IKZF2: variants seen among roughly 807,000 people sequenced by gnomAD.
The protein encoded by IKZF2 is IKAROS family zinc finger 2.
IKZF2 carries 15 observed loss-of-function variants against 49.2 expected under a neutral mutation model. The ratio of observed to expected loss-of-function variants is 0.30; its 90% CI spans 0.20 to 0.47. The LOEUF is 0.47. Ranked by LOEUF, IKZF2 falls within the 20% of genes least tolerant of loss-of-function variation. The pLI, the probability that IKZF2 is intolerant of heterozygous loss-of-function variation, is 1.00. For synonymous variants in IKZF2, 227 were observed against 221.4 expected (o/e 1.03, Z -0.23); for missense variants, 567 against 664.6 (o/e 0.85, Z 1.61).
chr2:213,136,213 A>C (rs184005349), intron 4 of IKZF2, among the ~76,000 whole-genome samples: 5 of 149,784 alleles, frequency 3.3e-5, no homozygotes, highest in East Asian at 4.0e-4. Context: ...ACACTAAAAA[A>C]TAAAAAAATT....
rs1694800815 is a variant in IKZF2, at chr2:213,000,493, G to T, written c.*6867C>A. The T allele has an allele frequency of 6.6e-6, 1 of 151,568 alleles. No individual in the cohort carries two copies. The highest frequency in any genetic ancestry group is 6.6e-5 in the Admixed American group (1 of 15,124). The allele number at this position is 151,568 out of a possible 1,614,324, so 9.4% of individuals were successfully genotyped here. On this transcript the variant is annotated 3_prime_UTR_variant, in exon 9 of 9. Transcript: ENST00000434687. ...ACACATACTGTACAAATGCAGAAATGCAGTAACTGCCTTTAAAAGAAATGC... is the reference window on the plus strand; with the variant it reads ...ACACATACTGTACAAATGCAGAAATTCAGTAACTGCCTTTAAAAGAAATGC...
chr2:213,005,878 T>C lies in IKZF2; in HGVS notation c.*1482A>G, dbSNP rs1338245201. The C allele has an allele frequency of 6.6e-6, 1 of 152,082 alleles. No individual in the cohort carries two copies. The highest frequency in any genetic ancestry group is 1.5e-5 in the Non-Finnish European group (1 of 67,986). 9.4% of individuals were successfully genotyped at this position (152,082 alleles called of 1,614,324 possible). A position where few individuals can be genotyped will look rare whatever the true frequency, so the allele number is the denominator to read the frequency against. On this transcript the variant is annotated 3_prime_UTR_variant, in exon 9 of 9. Coordinates refer to ENST00000434687, the MANE Select transcript of IKZF2 (RefSeq NM_001387220.1). The stretch of plus-strand genomic sequence containing the variant: ...CCTATACCATGTAAGGGGAATTCTA[T>C]ACTAAGGGATTGAGATTCATTTCTG...
chr2:213,036,685 T>C (rs891040843), intron 6 of IKZF2, among the ~76,000 whole-genome samples: 2 of 152,166 alleles, frequency 1.3e-5, no homozygotes, highest in Non-Finnish European at 2.9e-5. Context: ...GACTCCACTC[T>C]GATAGATTTC....
intron 4 of IKZF2, among the ~76,000 whole-genome samples, chr2:213,115,372 T>C (rs1457662244): frequency 1.3e-5 from 2 of 152,206 alleles, no homozygotes; most frequent in Non-Finnish European, 2.9e-5. Context: ...TAAAATTCCA[T>C]AGGCATAAAA....
chr2:213,122,320 C>G (rs16849772), intron 4 of IKZF2, among the ~76,000 whole-genome samples: 3,267 of 152,270 alleles, frequency 0.021, 122 homozygotes, highest in African/African-American at 0.074. Context: ...CCACTATTTT[C>G]TTTCCCAAGT....
intron 6 of IKZF2, among the ~76,000 whole-genome samples, chr2:213,037,792 C>T (rs899341885): frequency 1.1e-4 from 16 of 152,072 alleles, no homozygotes; most frequent in African/African-American, 3.6e-4. Context: ...CAGCCACCTC[C>T]AGGAAGGAAA....
At chr2:213,149,300 G>C (rs948107077) in intron 2 of IKZF2, among the ~76,000 whole-genome samples, 1 of 151,370 alleles carries the variant, frequency 6.6e-6, no homozygotes, top group African/African-American at 2.4e-5. Flanking sequence ...ACTTAATACA[G>C]TCTGATTTTG....
At chr2:213,151,907 C>T (rs2061294093), upstream of IKZF2, among the ~76,000 whole-genome samples, 1 of 150,946 alleles carries the variant, frequency 6.6e-6, no homozygotes, top group Non-Finnish European at 1.5e-5. Flanking sequence ...GCGCGCTAAG[C>T]CGCTCGGCGC....
intron 4 of IKZF2, among the ~76,000 whole-genome samples, chr2:213,141,841 C>G (rs1232011027): frequency 6.6e-6 from 1 of 151,954 alleles, no homozygotes; most frequent in East Asian, 1.9e-4. Context: ...ATGAGGTATC[C>G]CACAAATATT....
At chr2:213,105,441 C>T (rs189446916) in intron 4 of IKZF2, among the ~76,000 whole-genome samples, 15 of 152,156 alleles carry the variant, frequency 9.9e-5, no homozygotes, top group Admixed American at 2.6e-4. Context: ...ACATACAGTG[C>T]AGGAATGATG....
At chr2:213,061,570 T>A (rs1419167939) in intron 4 of IKZF2, among the ~76,000 whole-genome samples, 1 of 151,362 alleles carries the variant, frequency 6.6e-6, no homozygotes. Context: ...AGTCATTACA[T>A]ACATTTGTAG....
rs1383080272 is a variant in IKZF2, at chr2:213,001,073, A to C, written c.*6287T>G. ...TAAAGGAAGAATAGGTCAGAAAAGA[A>C]AAAAAAATCACCATAGTTTTTAAGA... is the stretch of plus-strand genomic sequence containing the variant. On this transcript the variant is annotated 3_prime_UTR_variant, in exon 9 of 9. Transcript: ENST00000434687. 1 of 151,866 alleles carries C rather than the reference A, an allele frequency of 6.6e-6. No individual in the cohort carries two copies. Among genetic ancestry groups the C allele is most frequent in the African/African-American group, 2.4e-5 (1 of 41,374 alleles). 9.4% of individuals were successfully genotyped at this position (151,866 alleles called of 1,614,324 possible). A position where few individuals can be genotyped will look rare whatever the true frequency, so the allele number is the denominator to read the frequency against.
chr2:213,101,816 C>T (rs1300571096), intron 4 of IKZF2, among the ~76,000 whole-genome samples: 1 of 152,134 alleles, frequency 6.6e-6, no homozygotes, highest in Non-Finnish European at 1.5e-5. Context: ...GCAATCAAAT[C>T]AGTAGCACGA....
rs1334068407 is a variant in IKZF2, at chr2:213,005,850, C to A, written c.*1510G>T. 1.3e-5 allele frequency: 2 copies of A among 151,972 alleles called. No homozygotes were observed. Among genetic ancestry groups the A allele is most frequent in the Non-Finnish European group, 2.9e-5 (2 of 67,960 alleles). 9.4% of individuals were successfully genotyped at this position (151,972 alleles called of 1,614,324 possible). A position where few individuals can be genotyped will look rare whatever the true frequency, so the allele number is the denominator to read the frequency against. On this transcript the variant is annotated 3_prime_UTR_variant, in exon 9 of 9. Coordinates refer to ENST00000434687, the MANE Select transcript of IKZF2 (RefSeq NM_001387220.1). ...ATTAAAATCTGCACATGAAATATGG[C>A]AACCTATACCATGTAAGGGGAATTC...
chr2:213,148,012 TA>T (rs72219545), intron 3 of IKZF2, among the ~76,000 whole-genome samples, 200 bp from the exon 4 acceptor site: 40,785 of 151,986 alleles, frequency 0.27, 6,623 homozygotes, highest in Non-Finnish European at 0.37. Context: ...CAACCCACAA[TA>T]AAAAAAATTA....
At chr2:213,038,874 G>A (rs997851069) in intron 6 of IKZF2, among the ~76,000 whole-genome samples, 1 of 151,952 alleles carries the variant, frequency 6.6e-6, no homozygotes, top group African/African-American at 2.4e-5. Context: ...TGCGTTTGAG[G>A]GTACACTACT....
chr2:213,053,890 G>C (rs1364144160), intron 5 of IKZF2, among the ~76,000 whole-genome samples: 1 of 152,162 alleles, frequency 6.6e-6, no homozygotes, highest in Non-Finnish European at 1.5e-5. Flanking sequence ...AAGAAGAAGA[G>C]TGGATTCGAT....
intron 4 of IKZF2, among the ~76,000 whole-genome samples, chr2:213,060,858 C>T (rs1281094702): frequency 2.7e-5 from 4 of 150,904 alleles, no homozygotes; most frequent in Non-Finnish European, 5.9e-5. Flanking sequence ...TTTGTGAACA[C>T]AAGGAAAGAA....
chr2:213,066,985 G>A (rs972715358), intron 4 of IKZF2, among the ~76,000 whole-genome samples: 1 of 152,066 alleles, frequency 6.6e-6, no homozygotes, highest in African/African-American at 2.4e-5. Flanking sequence ...GACTGGAAAA[G>A]CATGCAATCA....
Sources: gnomAD v4.1 joint callset for allele counts (sites outside exome capture counted in the v4.1 genomes callset) on GRCh38, gnomAD v4.1.1 for gene constraint, MANE v1.5 for transcripts, NCBI Gene and HGNC (gene_info 2026-07-23, HGNC 2026-07-21) for gene names.